Variants in MYO5B observed in about 807,000 individuals in gnomAD.
The protein encoded by MYO5B is myosin VB.
A neutral mutation model predicts 229.3 loss-of-function variants in MYO5B; 143 were observed. The observed-to-expected ratio is 0.62, with a 90% CI of 0.54 to 0.72. MYO5B has a LOEUF of 0.72. Ranked by LOEUF, MYO5B falls within the 30% of genes least tolerant of loss-of-function variation. The pLI, the probability that MYO5B is intolerant of heterozygous loss-of-function variation, is 0.00. For synonymous variants in MYO5B, 918 were observed against 885.2 expected (o/e 1.04, Z -0.66); for missense variants, 2,321 against 2,331.0 (o/e 1.00, Z 0.09).
At chr18:49,967,820 G>A (rs889734310) in intron 10 of MYO5B, among the ~76,000 whole-genome samples, 6 of 151,932 alleles carry the variant, frequency 3.9e-5, no homozygotes, top group South Asian at 2.1e-4. Context: ...CCTGCATTCC[G>A]CTCAGGTGCT....
At chr18:50,125,410 T>C (rs1048252339) in intron 1 of MYO5B, among the ~76,000 whole-genome samples, 17 of 150,800 alleles carry the variant, frequency 1.1e-4, no homozygotes, top group African/African-American at 3.9e-4. Context: ...TTAGGAGATA[T>C]ACCTAATGTA....
In MYO5B at chr18:50,153,044, G is replaced by A. The variant is rs1380181688; in HGVS notation, c.27+41723C>T. ...GCTGGTATATTCATGCAGATTTCAG[G>A]TGGCTGTCTTATTGACATAGCTATA... On this transcript the variant is annotated intron_variant, in intron 1 of 39. Transcript: ENST00000285039. Among the ~76,000 whole-genome samples, 3 of 152,206 alleles carry A rather than the reference G, an allele frequency of 2.0e-5. No homozygotes were observed. In the East Asian group the frequency reaches 5.8e-4, roughly 29 times the overall value.
chr18:49,829,255 A>G (rs1179881662), intron 39 of MYO5B, among the ~76,000 whole-genome samples: 1 of 152,024 alleles, frequency 6.6e-6, no homozygotes, highest in East Asian at 1.9e-4. Context: ...AAATTAGCAA[A>G]TCAGAAATGA....
chr18:50,015,184 T>C (rs192777418), intron 4 of MYO5B, among the ~76,000 whole-genome samples: 69 of 152,328 alleles, frequency 4.5e-4, no homozygotes, highest in Non-Finnish European at 2.6e-4. Context: ...GCTTTTTCTC[T>C]GGGAGGACAA....
intron 16 of MYO5B, among the ~76,000 whole-genome samples, chr18:49,935,079 T>G (rs1237288455): frequency 6.6e-6 from 1 of 151,798 alleles, no homozygotes. Context: ...AGGTTTAAGG[T>G]AGTATTTCAG....
chr18:49,841,038 CT>C (rs2024049938), intron 35 of MYO5B, among the ~76,000 whole-genome samples: 1 of 152,202 alleles, frequency 6.6e-6, no homozygotes, highest in Non-Finnish European at 1.5e-5. Context: ...AGTGGGGCTT[CT>C]AGAGCTGATA....
At chr18:50,164,093 G>A (rs1404953137) in intron 1 of MYO5B, among the ~76,000 whole-genome samples, 1 of 152,130 alleles carries the variant, frequency 6.6e-6, no homozygotes, top group African/African-American at 2.4e-5. Context: ...TTTAGTGCTG[G>A]TTTTAGACAA....
chr18:50,102,686 G>C (rs1453108177), intron 1 of MYO5B, among the ~76,000 whole-genome samples: 1 of 151,858 alleles, frequency 6.6e-6, no homozygotes, highest in Non-Finnish European at 1.5e-5. Flanking sequence ...AGCAGCACCT[G>C]CAAGCTTGTT....
chr18:50,109,534 T>C (rs1057109893), intron 1 of MYO5B, among the ~76,000 whole-genome samples: 7 of 151,942 alleles, frequency 4.6e-5, no homozygotes, highest in African/African-American at 1.7e-4. Flanking sequence ...CATGCCATTC[T>C]CCTGCCTCAG....
intron 23 of MYO5B, among the ~76,000 whole-genome samples, chr18:49,879,928 G>T (rs1307006382): frequency 6.6e-6 from 1 of 152,230 alleles, no homozygotes; most frequent in Non-Finnish European, 1.5e-5. Context: ...AGACAAATGT[G>T]AAACCCAGCA....
intron 1 of MYO5B, among the ~76,000 whole-genome samples, chr18:50,145,539 T>A (rs927122202): frequency 4.2e-4 from 54 of 128,214 alleles, no homozygotes; most frequent in African/African-American, 1.6e-3. Context: ...AAAAAAAAAA[T>A]TTCTCTCAGG....
chr18:50,064,255 C>G (rs2030763146), intron 1 of MYO5B: 1 of 153,084 alleles, frequency 6.5e-6, no homozygotes, highest in Non-Finnish European at 1.5e-5. Context: ...GTGGAAAGAT[C>G]ACTGAAAGCT....
intron 1 of MYO5B, among the ~76,000 whole-genome samples, chr18:50,102,017 T>C (rs1358913104): frequency 6.6e-6 from 1 of 152,180 alleles, no homozygotes; most frequent in Non-Finnish European, 1.5e-5. Context: ...ATTTAAAAAG[T>C]GTGGTACATA....
intron 1 of MYO5B, among the ~76,000 whole-genome samples, chr18:50,072,819 T>TGGAGGAAGGAAGAGTCCA (rs1357046570): frequency 4.0e-5 from 6 of 150,560 alleles, no homozygotes; most frequent in African/African-American, 1.5e-4. Flanking sequence ...GAGCTCCCAC[T>TGGAGGAAGGAAGAGTCCA]GGAGGAAGGA....
Position 49,991,001 on chromosome 18 carries a change from C to G in MYO5B, c.757-481G>C, listed in dbSNP as rs990450915. Reference sequence around the variant, plus strand: ...GTGAGGCAGGATGTCTGGGGAACACCTGCAGCTGGACTGGCCTTACACCGG... The same window carrying G: ...GTGAGGCAGGATGTCTGGGGAACACGTGCAGCTGGACTGGCCTTACACCGG... On this transcript the variant is annotated intron_variant, in intron 6 of 39. Transcript: ENST00000285039. Among the ~76,000 whole-genome samples, 3 of 150,504 alleles carry G rather than the reference C, an allele frequency of 2.0e-5. No homozygotes were observed. In the East Asian group the frequency reaches 6.0e-4, roughly 30 times the overall value.
intron 16 of MYO5B, 43 bp downstream of exon 16, chr18:49,936,209 T>G: frequency 3.3e-6 from 5 of 1,516,570 alleles, no homozygotes; most frequent in Non-Finnish European, 4.5e-6. Context: ...CACCTGAACC[T>G]CTAAGGCTGG....
chr18:50,139,734 A>G (rs1320849603), intron 1 of MYO5B, among the ~76,000 whole-genome samples: 1 of 152,154 alleles, frequency 6.6e-6, no homozygotes, highest in Non-Finnish European at 1.5e-5. Flanking sequence ...ACATGTCCCG[A>G]GAAGATGCAG....
chr18:50,102,943 C>T (rs912623674), intron 1 of MYO5B, among the ~76,000 whole-genome samples: 4 of 151,968 alleles, frequency 2.6e-5, no homozygotes, highest in African/African-American at 9.6e-5. Flanking sequence ...TCCCCAGGAA[C>T]TCAGTCCTTC....
intron 10 of MYO5B, among the ~76,000 whole-genome samples, chr18:49,965,474 C>T (rs2025613794): frequency 6.6e-6 from 1 of 151,736 alleles, no homozygotes; most frequent in African/African-American, 2.4e-5. Context: ...CACACACACA[C>T]ACACACACAC....
Sources: gnomAD v4.1 joint callset for allele counts (sites outside exome capture counted in the v4.1 genomes callset) on GRCh38, gnomAD v4.1.1 for gene constraint, MANE v1.5 for transcripts, NCBI Gene and HGNC (gene_info 2026-07-23, HGNC 2026-07-21) for gene names.